SLC22A6: variants seen among roughly 807,000 people sequenced by gnomAD.
SLC22A6 encodes solute carrier family 22 member 6.
SLC22A6 carries 45 observed loss-of-function variants against 56.7 expected under a neutral mutation model. That is an observed-to-expected ratio of 0.79 (90% CI 0.63 to 1.02). The LOEUF is 1.02. Ranked by LOEUF, SLC22A6 falls within the 50% of genes least tolerant of loss-of-function variation. SLC22A6 has a pLI of 0.00. For synonymous variants in SLC22A6, 291 were observed against 295.9 expected (o/e 0.98, Z 0.17); for missense variants, 606 against 713.8 (o/e 0.85, Z 1.72).
Position 62,979,795 on chromosome 11 carries a change from G to C in SLC22A6, c.1191C>G (p.Ala397=). The change falls in exon 7 of 10, where the codon GCC becomes GCG. Residue 397 remains alanine (A), a synonymous_variant. Transcript: ENST00000360421. ...CTGCCAGCAGCAGTGCAGCCATCTG[G>C]GCAGGCCGGCGACCCAGGGAGTTGA... ...LVINSLGRRP[A]QMAALLLAGI... The C allele has an allele frequency of 6.2e-7, 1 of 1,614,174 alleles. No homozygotes were observed. The highest frequency in any genetic ancestry group is 8.5e-7 in the Non-Finnish European group (1 of 1,180,024).
intron 3 of SLC22A6, among the ~76,000 whole-genome samples, chr11:62,982,975 AT>A (rs1393990689): frequency 6.6e-6 from 1 of 151,434 alleles, no homozygotes; most frequent in Non-Finnish European, 1.5e-5. Context: ...AGTTCTCACC[AT>A]TCCCTAATGC....
chr11:62,984,084 C>G (rs756391205), intron 1 of SLC22A6, 37 bp from the exon 2 acceptor site: 1 of 1,465,356 alleles, frequency 6.8e-7, no homozygotes, highest in South Asian at 1.2e-5. Flanking sequence ...CAGAGATGAG[C>G]CTGGCTTCAG....
In SLC22A6 at chr11:62,976,667, G is replaced by T; in HGVS notation, c.*127C>A. ...ATAAAGGGAGGTGGACCCCTGGGAA[G>T]ATGCTTTCCTGAACCACAACCCCCA... On this transcript the variant is annotated 3_prime_UTR_variant, in exon 10 of 10. Transcript: ENST00000360421. 1 of 717,954 alleles carries T rather than the reference G, an allele frequency of 1.4e-6. No individual in the cohort carries two copies. The allele number at this position is 717,954 out of a possible 1,614,324, so 44.5% of individuals were successfully genotyped here.
chr11:62,982,671 C>T (rs536421992), intron 3 of SLC22A6, among the ~76,000 whole-genome samples: 1 of 152,338 alleles, frequency 6.6e-6, no homozygotes, highest in South Asian at 2.1e-4. Flanking sequence ...TTCCCTTCTT[C>T]TTGGCCTTGG....
At position 62,979,758 on chromosome 11, in the gene SLC22A6, G is replaced by A; in HGVS notation, c.1228C>T (p.Leu410=). ...CCCTGGGGTATCACCCCATTGAGCA[G>A]GATGCAGATGCCTGCCAGCAGCAGT... is the stretch of plus-strand genomic sequence containing the variant. ...AALLLAGICI[L]LNGVIPQDQS... Residue 410 remains leucine, a synonymous_variant, in exon 7 of 10, where the codon CTG becomes TTG. Coordinates refer to ENST00000360421, the MANE Select transcript of SLC22A6 (RefSeq NM_153276.3). The A allele has an allele frequency of 6.2e-7, 1 of 1,614,208 alleles. No individual in the cohort carries two copies. The highest frequency in any genetic ancestry group is 1.3e-5 in the African/African-American group (1 of 75,070).
At position 62,984,793 on chromosome 11, in the gene SLC22A6, G is replaced by A. The variant is rs1057307094; in HGVS notation, c.-103C>T. On this transcript the variant is annotated 5_prime_UTR_variant, in exon 1 of 10. It adds an upstream start codon to the 5' untranslated region. Transcript: ENST00000360421. ...CCTTCGCTGGAGGAGCAGCACTGCC[G>A]TTGCCTCCGCAGCTGGGTTGCTCCG... The A allele has an allele frequency of 1.4e-5, 19 of 1,327,104 alleles. No homozygotes were observed. The highest frequency in any genetic ancestry group is 4.4e-5 in the African/African-American group (3 of 67,690). 82.2% of individuals were successfully genotyped at this position (1,327,104 alleles called of 1,614,324 possible).
At chr11:62,984,249 C>CTTTT (rs4149175) in intron 1 of SLC22A6, 73 bp downstream of exon 1, 205 of 1,382,758 alleles carry the variant, frequency 1.5e-4, no homozygotes, top group Non-Finnish European at 1.7e-4. Context: ...TCTCCATGTA[C>CTTTT]TTTTTTTTTT....
chr11:62,984,026 T>C lies in SLC22A6; in HGVS notation c.391A>G (p.Arg131Gly). The change falls in exon 2 of 10, where the codon AGG (arginine) becomes GGG (glycine). Residue 131 changes from arginine (R) to glycine (G), a missense_variant. Transcript: ENST00000360421. ...GACTGGGCCAGCTGGCGTAGGGCCC[T>C]GTGAGAGCACACAAGGTCCCACTGT... ...VTEWDLVCSH[R>G]ALRQLAQSLY... 6.2e-7 allele frequency: 1 copy of C among 1,613,084 alleles called. No individual in the cohort carries two copies. Among genetic ancestry groups the C allele is most frequent in the Non-Finnish European group, 8.5e-7 (1 of 1,179,288 alleles).
Position 62,977,407 on chromosome 11 carries a change from T to G in SLC22A6, c.1362-20A>C. On this transcript the variant is annotated intron_variant, in intron 8 of 9. Transcript: ENST00000360421. ...GTCTGCCTGCAGGGCCCGCAGCAGA[T>G]GGGTGTTGGTTAGAGTTCCAGCATG... 6.3e-7 allele frequency: 1 copy of G among 1,598,064 alleles called. No individual in the cohort carries two copies.
At position 62,980,974 on chromosome 11, in the gene SLC22A6, T is replaced by C; in HGVS notation, c.1037+11A>G. On this transcript the variant is annotated intron_variant, in intron 6 of 9. Transcript: ENST00000360421. ...CCTTTTGTCTCAGTCTGTCTGTCTT[T>C]CTGGGCCTACCACAGCATGGAGAGG... The C allele has an allele frequency of 1.3e-6, 2 of 1,588,758 alleles. No individual in the cohort carries two copies. Among genetic ancestry groups the C allele is most frequent in the Non-Finnish European group, 1.7e-6 (2 of 1,163,940 alleles).
chr11:62,982,983 A>G lies in SLC22A6; in HGVS notation c.628+554T>C, dbSNP rs540485656. Among the ~76,000 whole-genome samples, 5 of 151,418 alleles carry G rather than the reference A, an allele frequency of 3.3e-5. No individual in the cohort carries two copies. In the East Asian group the frequency reaches 7.8e-4, roughly 23 times the overall value. ...TGAATACAGTTCTCACCATTCCCTAATGCCTCCTGCACCTGGCCGTCTTAC... is the reference window on the plus strand; with the variant it reads ...TGAATACAGTTCTCACCATTCCCTAGTGCCTCCTGCACCTGGCCGTCTTAC... On this transcript the variant is annotated intron_variant, in intron 3 of 9. Coordinates refer to ENST00000360421, the MANE Select transcript of SLC22A6 (RefSeq NM_153276.3).
At position 62,984,838 on chromosome 11, in the gene SLC22A6, T is replaced by TGTCCCCCCACAGAGCAG; in HGVS notation, c.-149_-148insCTGCTCTGTGGGGGGAC. 2 of 773,506 alleles carry TGTCCCCCCACAGAGCAG rather than the reference T, an allele frequency of 2.6e-6. No homozygotes were observed. The highest frequency in any genetic ancestry group is 4.0e-6 in the Non-Finnish European group (2 of 493,964). 47.9% of individuals were successfully genotyped at this position (773,506 alleles called of 1,614,324 possible). The stretch of plus-strand genomic sequence containing the variant: ...GCTCCGGGAGCTGAGTCCGAGCTGC[T>TGTCCCCCCACAGAGCAG]CTGTGGGGGGACAGCAGCCTCCTTG... On this transcript the variant is annotated 5_prime_UTR_variant, in exon 1 of 10. Transcript: ENST00000360421.
rs1209525693 is a variant in SLC22A6, at chr11:62,983,787, C to CT, written c.474-97dup. 25 of 1,359,920 alleles carry CT rather than the reference C, an allele frequency of 1.8e-5. No homozygotes were observed. The African/African-American group carries it at 3.6e-4, about 20-fold the overall frequency. 84.2% of individuals were successfully genotyped at this position (1,359,920 alleles called of 1,614,324 possible). On this transcript the variant is annotated intron_variant, in intron 2 of 9. Coordinates refer to ENST00000360421, the MANE Select transcript of SLC22A6 (RefSeq NM_153276.3). The surrounding 1 kb of genome is among the most constrained non-coding windows in gnomAD (Gnocchi z 4.5). Reference sequence around the variant, plus strand: ...GGGCTCACCCTGGATGATGCCTGGGCTGGGGCCTTTTGAGGACCTCTGAAG... The same window carrying CT: ...GGGCTCACCCTGGATGATGCCTGGGCTTGGGGCCTTTTGAGGACCTCTGAAG...
rs371068791 is a variant in SLC22A6, at chr11:62,981,955, A to G, written c.684T>C (p.Tyr228=). 5.6e-6 allele frequency: 9 copies of G among 1,614,090 alleles called. No individual in the cohort carries two copies. The highest frequency in any genetic ancestry group is 7.6e-6 in the Non-Finnish European group (9 of 1,180,026). ...GGAGGAACTGGCCCAGGCTGTAGACATAGCCAATCAAGGTGCCCACGCAGG... is the reference window on the plus strand; with the variant it reads ...GGAGGAACTGGCCCAGGCTGTAGACGTAGCCAATCAAGGTGCCCACGCAGG... ...TRACVGTLIG[Y]VYSLGQFLLA... is the part of the protein sequence containing the mutation. The change falls in exon 4 of 10, where the codon TAT becomes TAC. Residue 228 remains tyrosine (Y), a synonymous_variant. Transcript: ENST00000360421.
At position 62,981,375 on chromosome 11, in the gene SLC22A6, A is replaced by G. The variant is rs775415711; in HGVS notation, c.806T>C (p.Ile269Thr). 2.6e-5 allele frequency: 24 copies of G among 907,898 alleles called. No individual in the cohort carries two copies. Among genetic ancestry groups the G allele is most frequent in the Middle Eastern group, 2.5e-4 (1 of 4,004 alleles). 56.2% of individuals were successfully genotyped at this position (907,898 alleles called of 1,614,324 possible). Reference protein sequence around the residue: ...FAFFIYSWFFIESARWHSSSG... With the variant: ...FAFFIYSWFFTESARWHSSSG... ...GGAGGAGTGCCAGCGGGCCGACTCAATGAAGAACCTGGGAGCGGGGGTGGG... is the reference window on the plus strand; with the variant it reads ...GGAGGAGTGCCAGCGGGCCGACTCAGTGAAGAACCTGGGAGCGGGGGTGGG... The change falls in exon 5 of 10, where the codon ATT becomes ACT. Residue 269 changes from isoleucine (I) to threonine (T), a missense_variant. Ile to Thr is a moderately conservative substitution (Grantham distance 89). Coordinates refer to ENST00000360421, the MANE Select transcript of SLC22A6 (RefSeq NM_153276.3).
chr11:62,984,851 A>G lies in SLC22A6; in HGVS notation c.-161T>C. The stretch of plus-strand genomic sequence containing the variant: ...AGTCCGAGCTGCTCTGTGGGGGGAC[A>G]GCAGCCTCCTTGGCTGCTCCTCCTT... On this transcript the variant is annotated 5_prime_UTR_variant, in exon 1 of 10. Coordinates refer to ENST00000360421, the MANE Select transcript of SLC22A6 (RefSeq NM_153276.3). 2.9e-6 allele frequency: 2 copies of G among 683,746 alleles called. No homozygotes were observed. Among genetic ancestry groups the G allele is most frequent in the Non-Finnish European group, 4.8e-6 (2 of 413,462 alleles). 42.4% of individuals were successfully genotyped at this position (683,746 alleles called of 1,614,324 possible).
At chr11:62,977,027 C>T (rs2086196980) in intron 9 of SLC22A6, 146 bp from the exon 10 acceptor site, 3 of 1,528,746 alleles carry the variant, frequency 2.0e-6, no homozygotes, top group African/African-American at 1.4e-5. Flanking sequence ...GAGCTGGGAT[C>T]CCCAGGAAGG....
rs757143611 is a variant in SLC22A6, at chr11:62,976,993, GC to G, written c.1566-113del. The stretch of plus-strand genomic sequence containing the variant: ...AGCTATGCCTGGACACCTGCTCTCT[GC>G]CCCAAATACCTACTGCTCCCTGGAG... On this transcript the variant is annotated intron_variant, in intron 9 of 9. Coordinates refer to ENST00000360421, the MANE Select transcript of SLC22A6 (RefSeq NM_153276.3). 1.5e-3 allele frequency: 2,183 copies of G among 1,494,730 alleles called. 2 individuals carry two copies. The highest frequency in any genetic ancestry group is 2.0e-3 in the Admixed American group (116 of 57,326). 92.6% of individuals were successfully genotyped at this position (1,494,730 alleles called of 1,614,324 possible). A position where few individuals can be genotyped will look rare whatever the true frequency, so the allele number is the denominator to read the frequency against.
At chr11:62,980,385 C>T (rs949504329) in intron 6 of SLC22A6, among the ~76,000 whole-genome samples, 14 of 152,256 alleles carry the variant, frequency 9.2e-5, no homozygotes, top group East Asian at 5.8e-4. Flanking sequence ...GCCCAAAAAA[C>T]GAAGCTCAAG....
Sources: allele counts gnomAD v4.1 joint callset (sites outside exome capture counted in the v4.1 genomes callset), GRCh38; gene constraint gnomAD v4.1.1; non-coding constraint Gnocchi (gnomAD v3.1); transcripts MANE v1.5; gene names NCBI Gene and HGNC (gene_info 2026-07-23, HGNC 2026-07-21).